Variants in PSMD8 observed in about 807,000 individuals in gnomAD.
PSMD8 encodes 26S proteasome non-ATPase regulatory subunit 8.
PSMD8 carries 30 observed loss-of-function variants against 40.0 expected under a neutral mutation model. The ratio of observed to expected loss-of-function variants is 0.75; its 90% CI spans 0.56 to 1.02. The LOEUF is 1.02. PSMD8 is among the 50% of genes least tolerant of loss of function. The probability of loss-of-function intolerance (pLI) is 0.00; values close to 1 mark genes in which losing one functional copy is unlikely to be tolerated. For synonymous variants in PSMD8, 208 were observed against 192.5 expected (o/e 1.08, Z -0.67); for missense variants, 461 against 463.9 (o/e 0.99, Z 0.06).
At chr19:38,376,112 A>C in intron 1 of PSMD8, 48 bp from the exon 2 acceptor site, 1 of 1,498,778 alleles carries the variant, frequency 6.7e-7, no homozygotes, top group Non-Finnish European at 9.2e-7. Flanking sequence ...AGTCATCTGT[A>C]TTTGAATTCC....
In PSMD8 at chr19:38,376,141, T is replaced by TC. The variant is rs1373013072; in HGVS notation, c.361-16dup. 1 of 1,352,598 alleles carries TC rather than the reference T, an allele frequency of 7.4e-7. No individual in the cohort carries two copies. The highest frequency in any genetic ancestry group is 1.1e-6 in the Non-Finnish European group (1 of 949,786). 83.8% of individuals were successfully genotyped at this position (1,352,598 alleles called of 1,614,324 possible). A position where few individuals can be genotyped will look rare whatever the true frequency, so the allele number is the denominator to read the frequency against. ...GAATTCCCTTCTTTTCTTTCTTCCC[T>TC]CCCTCCCCTCCCCATCAGCTAGTTC... On this transcript the variant is annotated intron_variant, in intron 1 of 6. Coordinates refer to ENST00000215071, the MANE Select transcript of PSMD8 (RefSeq NM_002812.5).
At position 38,382,333 on chromosome 19, in the gene PSMD8, A is replaced by T; in HGVS notation, c.915+105A>T. ...ACTGGAACAAGACTGCCCAGGTTTA[A>T]GTTCAACTGTGTGACTCTAGGCAAG... On this transcript the variant is annotated intron_variant, in intron 6 of 6. Transcript: ENST00000215071. 3.3e-6 allele frequency: 3 copies of T among 895,852 alleles called. No homozygotes were observed. The South Asian group carries it at 4.2e-5, about 13-fold the overall frequency. The allele number at this position is 895,852 out of a possible 1,614,324, so 55.5% of individuals were successfully genotyped here. A position where few individuals can be genotyped will look rare whatever the true frequency, so the allele number is the denominator to read the frequency against.
rs562614872 is a variant in PSMD8, at chr19:38,374,738, T to C, written c.137T>C (p.Val46Ala). Residue 46 changes from valine (V) to alanine (A), a missense_variant, in exon 1 of 7, where the codon GTT (valine) becomes GCT (alanine). Coordinates refer to ENST00000215071, the MANE Select transcript of PSMD8 (RefSeq NM_002812.5). ...TSRPHFRRASVCRRRCRKSGG... is the reference protein window; with the variant it reads ...TSRPHFRRASACRRRCRKSGG... ...CGGCCCCACTTCCGCCGGGCAAGCG[T>C]TTGTAGGCGGCGCTGCCGTAAATCA... The C allele has an allele frequency of 1.3e-6, 2 of 1,552,520 alleles. No individual in the cohort carries two copies. The highest frequency in any genetic ancestry group is 2.7e-5 in the African/African-American group (2 of 73,302).
In PSMD8 at chr19:38,376,078, G is replaced by A; in HGVS notation, c.361-82G>A. The stretch of plus-strand genomic sequence containing the variant: ...ATGGTTAGCTCCATTTTCCAAGTGG[G>A]AAGACCAGAGCGTAGAGCAGGTAAG... On this transcript the variant is annotated intron_variant, in intron 1 of 6. Coordinates refer to ENST00000215071, the MANE Select transcript of PSMD8 (RefSeq NM_002812.5). 3 of 1,356,332 alleles carry A rather than the reference G, an allele frequency of 2.2e-6. No homozygotes were observed. The Admixed American group carries it at 5.9e-5, about 27-fold the overall frequency. 84.0% of individuals were successfully genotyped at this position (1,356,332 alleles called of 1,614,324 possible).
At chr19:38,380,784 G>T in intron 4 of PSMD8, 115 bp from the exon 5 acceptor site, 1 of 762,912 alleles carries the variant, frequency 1.3e-6, no homozygotes. Context: ...GCAGGGGTGT[G>T]GCTGTGTGGC....
At chr19:38,380,777 G>C in intron 4 of PSMD8, 122 bp from the exon 5 acceptor site, 1 of 694,182 alleles carries the variant, frequency 1.4e-6, no homozygotes, top group Non-Finnish European at 2.4e-6. Context: ...ACCCAGGGCA[G>C]GGGTGTGGCT....
chr19:38,376,458 A>G lies in PSMD8; in HGVS notation c.536+4A>G. On this transcript the variant is annotated splice_donor_region_variant and intron_variant, in intron 3 of 6. Transcript: ENST00000215071. ...AATGCTACTACTTTGATTACAAGTGAGAATGGGCCCTGCCCCCAACTGGGG... is the reference window on the plus strand; with the variant it reads ...AATGCTACTACTTTGATTACAAGTGGGAATGGGCCCTGCCCCCAACTGGGG... 6.5e-7 allele frequency: 1 copy of G among 1,546,586 alleles called. No individual in the cohort carries two copies. The highest frequency in any genetic ancestry group is 1.2e-5 in the South Asian group (1 of 83,976).
intron 3 of PSMD8, among the ~76,000 whole-genome samples, chr19:38,377,710 A>G (rs150665733): frequency 0.011 from 1,610 of 151,470 alleles, 29 homozygotes; most frequent in African/African-American, 0.037. Context: ...GTGCACTGCA[A>G]CCTCCGCCTC....
intron 5 of PSMD8, chr19:38,381,242 A>G (rs984213434): frequency 2.3e-5 from 10 of 438,392 alleles, no homozygotes; most frequent in Non-Finnish European, 4.1e-5. Flanking sequence ...AAACCTGAGC[A>G]TGGAATTGGT....
In PSMD8 at chr19:38,374,798, C is replaced by T. The variant is rs183916438; in HGVS notation, c.197C>T (p.Ala66Val). ...GLLAASRKMA[A>V]AAVNGAAGFS... Reference sequence around the variant, plus strand: ...CTTGCCGCATCACGCAAGATGGCGGCCGCGGCGGTGAACGGGGCGGCAGGC... The same window carrying T: ...CTTGCCGCATCACGCAAGATGGCGGTCGCGGCGGTGAACGGGGCGGCAGGC... Residue 66 changes from alanine to valine, a missense_variant, in exon 1 of 7, where the codon GCC becomes GTC. Physicochemically the swap from Ala to Val is moderately conservative, Grantham distance 64 (BLOSUM62 0). Around this residue, in one of 2 missense-constraint regions of PSMD8, gnomAD observed 225 missense variants for 142.7 expected, o/e 1.58. Coordinates refer to ENST00000215071, the MANE Select transcript of PSMD8 (RefSeq NM_002812.5). The T allele has an allele frequency of 2.5e-6, 4 of 1,572,188 alleles. 1 individual carries two copies. Among genetic ancestry groups the T allele is most frequent in the East Asian group, 4.6e-5 (2 of 43,130 alleles).
intron 5 of PSMD8, 59 bp from the exon 6 acceptor site, chr19:38,382,058 G>T (rs1970644864): frequency 7.9e-7 from 1 of 1,261,974 alleles, no homozygotes. Flanking sequence ...AGGTCTGGGG[G>T]GACAGGTCCT....
At chr19:38,382,409 T>C (rs1323294969) in intron 6 of PSMD8, 181 bp downstream of exon 6, 1 of 632,900 alleles carries the variant, frequency 1.6e-6, no homozygotes, top group African/African-American at 1.8e-5. Flanking sequence ...TGGGGCTAGA[T>C]ACATGGGATG....
intron 3 of PSMD8, among the ~76,000 whole-genome samples, chr19:38,378,533 G>C (rs927027789): frequency 2.6e-5 from 4 of 151,062 alleles, no homozygotes; most frequent in Non-Finnish European, 5.9e-5. Context: ...AAAATTAGCT[G>C]GGCATGGTGG....
intron 4 of PSMD8, among the ~76,000 whole-genome samples, 168 bp from the exon 5 acceptor site, chr19:38,380,731 C>T (rs991421607): frequency 1.0e-4 from 13 of 126,124 alleles, no homozygotes; most frequent in Admixed American, 5.6e-4. Context: ...TGTGTGTGTG[C>T]GCATAAACCA....
At chr19:38,382,914 GAAAAA>G in intron 6 of PSMD8, 7 of 182,194 alleles carry the variant, frequency 3.8e-5, no homozygotes, top group Non-Finnish European at 7.8e-5. Flanking sequence ...TCTGTCTGGG[GAAAAA>G]AAAAAAAAAA....
At chr19:38,377,341 A>C (rs11669178) in intron 3 of PSMD8, among the ~76,000 whole-genome samples, 1 of 151,642 alleles carries the variant, frequency 6.6e-6, no homozygotes, top group Non-Finnish European at 1.5e-5. Context: ...GGTGCACACC[A>C]CCACTCCTGG....
intron 4 of PSMD8, among the ~76,000 whole-genome samples, 188 bp from the exon 5 acceptor site, chr19:38,380,705 AGAGTGT>A (rs58828767): frequency 0.018 from 1,980 of 112,452 alleles, 49 homozygotes; most frequent in African/African-American, 0.057. Context: ...AGAGAGAGAG[AGAGTGT>A]GTGTGTGTGT....
In PSMD8 at chr19:38,374,943, A is replaced by G. The variant is rs1970585750; in HGVS notation, c.342A>G (p.Glu114=). The change falls in exon 1 of 7, where the codon GAA becomes GAG. Residue 114 remains glutamate (E), a synonymous_variant. Transcript: ENST00000215071. ...GCCCCAATCTTAGCAAGTGCGGGGA[A>G]GAGCTGGGTCGACTCAAGGTAAAGT... ...RKSPNLSKCG[E]ELGRLKLVLL... is the part of the protein sequence containing the mutation. 1 of 1,571,748 alleles carries G rather than the reference A, an allele frequency of 6.4e-7. No homozygotes were observed. Among genetic ancestry groups the G allele is most frequent in the Non-Finnish European group, 8.6e-7 (1 of 1,167,316 alleles).
At chr19:38,383,152 GAA>G (rs1262822075) in intron 6 of PSMD8, 99 bp from the exon 7 acceptor site, 2 of 1,483,276 alleles carry the variant, frequency 1.3e-6, no homozygotes, top group Non-Finnish European at 9.3e-7. Flanking sequence ...CGATTGGTGA[GAA>G]AAGAGAGCAT....
Sources: allele counts gnomAD v4.1 joint callset (sites outside exome capture counted in the v4.1 genomes callset), GRCh38; gene constraint gnomAD v4.1.1; regional missense constraint gnomAD v4.1.1; transcripts MANE v1.5; gene names NCBI Gene and HGNC (gene_info 2026-07-23, HGNC 2026-07-21).